Variants in ZEB1 observed in about 807,000 individuals in gnomAD.
ZEB1 encodes the protein zinc finger E-box binding homeobox 1.
ZEB1 carries 21 observed loss-of-function variants against 84.9 expected under a neutral mutation model. That is an observed-to-expected ratio of 0.25 (90% confidence interval 0.18 to 0.36). The LOEUF is 0.36. Among genes scored for constraint, ZEB1 ranks in the 10% least tolerant of loss-of-function variants. ZEB1 has a pLI of 1.00. For synonymous variants in ZEB1, 420 were observed against 471.1 expected (o/e 0.89, Z 1.41); for missense variants, 1,104 against 1,330.2 (o/e 0.83, Z 2.65).
chr10:31,363,803 G>A (rs771415531), intron 1 of ZEB1: 39 of 1,330,550 alleles, frequency 2.9e-5, no homozygotes, highest in Non-Finnish European at 3.6e-5. Flanking sequence ...CCCGTGTTCC[G>A]AGGGATAAGA....
intron 1 of ZEB1, among the ~76,000 whole-genome samples, chr10:31,455,319 A>G (rs1024978743): frequency 2.6e-5 from 4 of 152,216 alleles, no homozygotes; most frequent in African/African-American, 9.6e-5. Context: ...CCTAGAAGAA[A>G]ACCTGAGTAA....
Position 31,521,529 on chromosome 10 carries a change from G to A in ZEB1, c.2197G>A (p.Val733Ile), listed in dbSNP as rs2139817873. Reference protein sequence around the residue: ...TAEGAQEEPQVEPLDLSLPKQ... With the variant: ...TAEGAQEEPQIEPLDLSLPKQ... ...TGAGGGTGCACAAGAAGAGCCACAA[G>A]TAGAACCTCTTGATCTTTCACTACC... The change falls in exon 7 of 9, where the codon GTA (valine) becomes ATA (isoleucine). Residue 733 changes from valine to isoleucine, a missense_variant. Val to Ile is a conservative substitution (Grantham distance 29). This residue lies in a region of ZEB1 where 531 missense variants were observed against 575.2 expected (regional missense o/e 0.92). Transcript: ENST00000424869. 1 of 1,614,092 alleles carries A rather than the reference G, an allele frequency of 6.2e-7. No homozygotes were observed. The highest frequency in any genetic ancestry group is 1.1e-5 in the South Asian group (1 of 91,084).
intron 1 of ZEB1, among the ~76,000 whole-genome samples, chr10:31,369,379 C>T (rs2045269808): frequency 6.6e-6 from 1 of 152,206 alleles, no homozygotes; most frequent in African/African-American, 2.4e-5. Context: ...ACCCTAGCCT[C>T]TGGTAACCAT....
intron 1 of ZEB1, among the ~76,000 whole-genome samples, chr10:31,406,097 G>A (rs912244791): frequency 6.6e-5 from 10 of 152,072 alleles, no homozygotes; most frequent in African/African-American, 2.4e-4. Context: ...TATCATTGAT[G>A]GACATTTGAA....
intron 1 of ZEB1, among the ~76,000 whole-genome samples, chr10:31,339,725 G>A (rs2038972358): frequency 6.6e-6 from 1 of 151,154 alleles, no homozygotes; most frequent in South Asian, 2.1e-4. Flanking sequence ...AACTGAGATT[G>A]CACCACTCAC....
intron 2 of ZEB1, among the ~76,000 whole-genome samples, chr10:31,482,936 A>G (rs2065236898): frequency 6.6e-6 from 1 of 152,014 alleles, no homozygotes; most frequent in Non-Finnish European, 1.5e-5. Flanking sequence ...GCCCCAAAGG[A>G]AAGTTTTTTG....
chr10:31,461,499 A>G (rs2061809550), intron 2 of ZEB1, among the ~76,000 whole-genome samples: 1 of 152,178 alleles, frequency 6.6e-6, no homozygotes, highest in African/African-American at 2.4e-5. Context: ...TATTGTTGAT[A>G]TAATTGAACC....
Position 31,527,021 on chromosome 10 carries a change from T to A in ZEB1, c.3135T>A (p.Asp1045Glu). Residue 1045 changes from aspartate to glutamate, a missense_variant, in exon 9 of 9, where the codon GAT (aspartate) becomes GAA (glutamate). By Grantham distance (45) the Asp-to-Glu change is conservative. Coordinates refer to ENST00000424869, the MANE Select transcript of ZEB1 (RefSeq NM_001174096.2). ...GTGAAAAAGAGGAAGAGGAGGAGGA[T>A]AAAGAGATGGAAGAATTGCAGGAAG... ...EDSEKEEEEE[D>E]KEMEELQEEK... 1 of 1,590,564 alleles carries A rather than the reference T, an allele frequency of 6.3e-7. No individual in the cohort carries two copies. The highest frequency in any genetic ancestry group is 8.6e-7 in the Non-Finnish European group (1 of 1,167,218).
intron 2 of ZEB1, 94 bp from the exon 3 acceptor site, chr10:31,495,682 T>G: frequency 7.9e-7 from 1 of 1,268,728 alleles, no homozygotes; most frequent in Non-Finnish European, 1.2e-6. Context: ...AATGATCAGA[T>G]CAGAGTAATT....
chr10:31,327,976 T>G (rs1040327684), intron 1 of ZEB1, among the ~76,000 whole-genome samples: 1 of 152,188 alleles, frequency 6.6e-6, no homozygotes, highest in Non-Finnish European at 1.5e-5. Flanking sequence ...ATTCATACCC[T>G]TTACCCCTCT....
intron 1 of ZEB1, among the ~76,000 whole-genome samples, chr10:31,346,699 T>C (rs535249659): frequency 1.3e-5 from 2 of 152,036 alleles, no homozygotes; most frequent in East Asian, 3.9e-4. Flanking sequence ...TTAGGAAAAA[T>C]ACCACCGTTT....
intron 1 of ZEB1, among the ~76,000 whole-genome samples, chr10:31,356,871 G>T (rs2042206265): frequency 6.6e-6 from 1 of 152,096 alleles, no homozygotes; most frequent in African/African-American, 2.4e-5. Flanking sequence ...GAGTATTCAG[G>T]CTGATTGTTA....
chr10:31,342,913 T>C (rs981919657), intron 1 of ZEB1, among the ~76,000 whole-genome samples: 4 of 152,162 alleles, frequency 2.6e-5, no homozygotes, highest in Non-Finnish European at 5.9e-5. Context: ...ATCTCTCCCC[T>C]GCAAGAAAAG....
At chr10:31,395,364 T>C (rs1350807536) in intron 1 of ZEB1, among the ~76,000 whole-genome samples, 3 of 152,186 alleles carry the variant, frequency 2.0e-5, no homozygotes, top group Non-Finnish European at 2.9e-5. Flanking sequence ...GTGCTAACTT[T>C]ATGCAAGAAG....
At position 31,527,053 on chromosome 10, in the gene ZEB1, A is replaced by C. The variant is rs745510108; in HGVS notation, c.3167A>C (p.Glu1056Ala). The C allele has an allele frequency of 6.3e-7, 1 of 1,585,316 alleles. No individual in the cohort carries two copies. The highest frequency in any genetic ancestry group is 8.6e-7 in the Non-Finnish European group (1 of 1,163,946). ...KEMEELQEEK[E>A]CEKPQGDEEE... The stretch of plus-strand genomic sequence containing the variant: ...ATGGAAGAATTGCAGGAAGAAAAAG[A>C]ATGTGAAAAACCACAAGGGGATGAG... Residue 1056 changes from glutamate (E) to alanine (A), a missense_variant, in exon 9 of 9, where the codon GAA (glutamate) becomes GCA (alanine). This residue lies in a region of ZEB1 where 173 missense variants were observed against 167.0 expected (regional missense o/e 1.04). Coordinates refer to ENST00000424869, the MANE Select transcript of ZEB1 (RefSeq NM_001174096.2).
At chr10:31,417,109 T>C (rs963303698) in intron 1 of ZEB1, among the ~76,000 whole-genome samples, 28 of 152,108 alleles carry the variant, frequency 1.8e-4, no homozygotes, top group African/African-American at 6.8e-4. Context: ...TTAAACAATA[T>C]TTGTATATTT....
At chr10:31,427,826 T>C (rs574874319) in intron 1 of ZEB1, among the ~76,000 whole-genome samples, 1 of 146,764 alleles carries the variant, frequency 6.8e-6, no homozygotes, top group Non-Finnish European at 1.5e-5. Flanking sequence ...GCCACTGCAC[T>C]CCAGCCTGGG....
chr10:31,450,067 G>A (rs572192726), intron 1 of ZEB1, among the ~76,000 whole-genome samples: 1 of 152,264 alleles, frequency 6.6e-6, no homozygotes, highest in Non-Finnish European at 1.5e-5. Context: ...AACTGTAGAC[G>A]TGTTGATCTA....
At chr10:31,441,002 A>C (rs544890501) in intron 1 of ZEB1, among the ~76,000 whole-genome samples, 52 of 152,316 alleles carry the variant, frequency 3.4e-4, no homozygotes, top group Non-Finnish European at 6.5e-4. Context: ...TATAGATTCA[A>C]TGCCATCCCC....
Sources: gnomAD v4.1 joint callset for allele counts (sites outside exome capture counted in the v4.1 genomes callset) on GRCh38, gnomAD v4.1.1 for gene constraint, gnomAD v4.1.1 regional missense constraint, MANE v1.5 for transcripts, NCBI Gene and HGNC (gene_info 2026-07-23, HGNC 2026-07-21) for gene names.